Variants in TPRG1 observed in about 807,000 individuals in gnomAD.
TPRG1 encodes the protein tumor protein p63-regulated gene 1 protein.
TPRG1 carries 29 observed loss-of-function variants against 29.3 expected under a neutral mutation model. That is an observed-to-expected ratio of 0.99 (90% CI 0.74 to 1.35). The LOEUF (loss-of-function observed/expected upper bound fraction) is 1.35, where lower values mean the gene tolerates loss of function less well. Ranked by LOEUF, TPRG1 falls within the 40% of genes most tolerant of loss-of-function variation. The pLI, the probability that TPRG1 is intolerant of heterozygous loss-of-function variation, is 0.00. For missense variants in TPRG1, 327 were observed against 335.0 expected, an observed-to-expected ratio of 0.98 and a Z score of 0.19; for synonymous variants, 130 against 116.8, an observed-to-expected ratio of 1.11 and a Z score of -0.73.
intron 4 of TPRG1, among the ~76,000 whole-genome samples, chr3:189,052,830 A>G (rs1715415713): frequency 6.6e-6 from 1 of 152,234 alleles, no homozygotes; most frequent in South Asian, 2.1e-4. Flanking sequence ...GAAGTAACTC[A>G]GGAATGGAAA....
At chr3:189,306,565 A>T (rs1000611231) in intron 4 of TPRG1, among the ~76,000 whole-genome samples, 1 of 152,160 alleles carries the variant, frequency 6.6e-6, no homozygotes, top group Non-Finnish European at 1.5e-5. Context: ...CCTTTTTTAA[A>T]ATTACATTTC....
intron 4 of TPRG1, among the ~76,000 whole-genome samples, chr3:189,028,136 T>C (rs943049881): frequency 7.2e-5 from 11 of 152,204 alleles, no homozygotes; most frequent in African/African-American, 2.4e-4. Flanking sequence ...CAGGAAGATA[T>C]AGCTAGAAGG....
chr3:189,300,356 T>A (rs1720638819), intron 4 of TPRG1, among the ~76,000 whole-genome samples: 1 of 152,208 alleles, frequency 6.6e-6, no homozygotes, highest in Non-Finnish European at 1.5e-5. Flanking sequence ...CCTGGAACAA[T>A]TTAGGCCTCG....
At chr3:189,278,970 A>C (rs1235908775) in intron 4 of TPRG1, among the ~76,000 whole-genome samples, 2 of 152,202 alleles carry the variant, frequency 1.3e-5, no homozygotes, top group East Asian at 3.8e-4. Context: ...CCATAAATGA[A>C]ACCTGTTAAA....
chr3:189,092,783 T>C (rs1382140312), intron 4 of TPRG1, among the ~76,000 whole-genome samples: 1 of 152,154 alleles, frequency 6.6e-6, no homozygotes, highest in Non-Finnish European at 1.5e-5. Context: ...CAGCTGATAA[T>C]GATGATGATC....
At chr3:189,112,457 A>G (rs943035304) in intron 1 of TPRG1, among the ~76,000 whole-genome samples, 6 of 152,312 alleles carry the variant, frequency 3.9e-5, no homozygotes, top group African/African-American at 4.8e-5. Flanking sequence ...GCCCAAGCCT[A>G]TGTCCTGAAT....
intron 2 of TPRG1, among the ~76,000 whole-genome samples, chr3:189,002,565 TTGGAAGAACCTTTA>T (rs1712084242): frequency 1.3e-5 from 2 of 152,124 alleles, no homozygotes; most frequent in Non-Finnish European, 1.5e-5. Context: ...ATTCACAGAG[TTGGAAGAACCTTTA>T]TATGCAGCAT....
At chr3:189,189,706 G>A (rs7634286) in intron 1 of TPRG1, among the ~76,000 whole-genome samples, 30,293 of 152,112 alleles carry the variant, frequency 0.2, 4,939 homozygotes, top group African/African-American at 0.45. Flanking sequence ...TACCTATCCC[G>A]GACGGGGTGT....
chr3:189,168,955 C>T (rs9869605), upstream of TPRG1, among the ~76,000 whole-genome samples: 112 of 152,306 alleles, frequency 7.4e-4, no homozygotes, highest in African/African-American at 2.6e-3. Flanking sequence ...TCTGCTGCCC[C>T]AGGCAGTGTG....
intron 3 of TPRG1, among the ~76,000 whole-genome samples, chr3:189,137,465 A>C (rs1344553587): frequency 1.3e-5 from 2 of 152,170 alleles, no homozygotes; most frequent in African/African-American, 4.8e-5. Context: ...CAAATCTGGA[A>C]TGCAGCAGGG....
intron 4 of TPRG1, among the ~76,000 whole-genome samples, chr3:189,274,648 G>T (rs1197000087): frequency 6.6e-6 from 1 of 152,002 alleles, no homozygotes; most frequent in Non-Finnish European, 1.5e-5. Flanking sequence ...AGTAAACTTT[G>T]ACCACTGATT....
At chr3:189,037,528 A>AT (rs1399225778) in intron 4 of TPRG1, among the ~76,000 whole-genome samples, 1 of 151,946 alleles carries the variant, frequency 6.6e-6, no homozygotes, top group Non-Finnish European at 1.5e-5. Flanking sequence ...TTCAGTAAGT[A>AT]TTTTTTAAAG....
intron 4 of TPRG1, among the ~76,000 whole-genome samples, chr3:189,042,966 G>C (rs1032717680): frequency 2.0e-5 from 3 of 152,030 alleles, no homozygotes; most frequent in African/African-American, 7.2e-5. Flanking sequence ...GAGTAAGCCC[G>C]GTGCCTGTCA....
intron 4 of TPRG1, among the ~76,000 whole-genome samples, chr3:189,241,447 G>C (rs1740577614): frequency 6.6e-6 from 1 of 151,774 alleles, no homozygotes; most frequent in Non-Finnish European, 1.5e-5. Context: ...CTGTTGGGAT[G>C]TTTAATTTTT....
intron 4 of TPRG1, chr3:189,240,727 A>G (rs1339676750): frequency 2.6e-5 from 4 of 152,184 alleles, no homozygotes; most frequent in South Asian, 2.1e-4. Context: ...GGGTGTTACA[A>G]TTCAAGATGA....
chr3:189,069,193 G>T (rs1238578802), intron 4 of TPRG1, among the ~76,000 whole-genome samples: 1 of 152,164 alleles, frequency 6.6e-6, no homozygotes, highest in Non-Finnish European at 1.5e-5. Flanking sequence ...CTTCCCATGT[G>T]TACAACAGCC....
chr3:189,179,210 G>T (rs1302254429), intron 1 of TPRG1, among the ~76,000 whole-genome samples: 2 of 152,158 alleles, frequency 1.3e-5, no homozygotes, highest in African/African-American at 2.4e-5. Context: ...ACATGGAGCT[G>T]CAACCATACA....
At chr3:189,132,073 C>G (rs1193215870) in intron 2 of TPRG1, among the ~76,000 whole-genome samples, 1 of 152,168 alleles carries the variant, frequency 6.6e-6, no homozygotes, top group Non-Finnish European at 1.5e-5. Flanking sequence ...TAGTGCACGA[C>G]TCCCTGATTC....
intron 1 of TPRG1, among the ~76,000 whole-genome samples, chr3:189,193,132 A>ATTT (rs555964454): frequency 0.029 from 2,654 of 90,132 alleles, 133 homozygotes; most frequent in African/African-American, 0.06. Context: ...TTGACTTTTA[A>ATTT]TTTTTTTTTT....
Sources: gnomAD v4.1 joint callset for allele counts (sites outside exome capture counted in the v4.1 genomes callset) on GRCh38, gnomAD v4.1.1 for gene constraint, MANE v1.5 for transcripts, NCBI Gene and HGNC (gene_info 2026-07-23, HGNC 2026-07-21) for gene names.